The following LGMN variants were observed in gnomAD, a reference collection of about 807,000 sequenced individuals.
LGMN encodes the protein legumain.
A neutral mutation model predicts 56.8 loss-of-function variants in LGMN; 36 were observed. The observed-to-expected ratio is 0.63, with a 90% CI of 0.49 to 0.84. The LOEUF is 0.84. Ranked by LOEUF, LGMN falls within the 40% of genes least tolerant of loss-of-function variation. The pLI is 0.00. For missense variants in LGMN, 446 were observed against 556.1 expected, an observed-to-expected ratio of 0.80 and a Z score of 1.99; for synonymous variants, 199 against 210.1, an observed-to-expected ratio of 0.95 and a Z score of 0.46.
intron 2 of LGMN, among the ~76,000 whole-genome samples, chr14:92,719,194 GCCACCAACACCACCACCGCCACCAACA>G (rs1890251185): frequency 1.9e-5 from 1 of 52,690 alleles, no homozygotes; most frequent in Non-Finnish European, 3.7e-5. Flanking sequence ...CACCACCACC[GCCACCAACACCACCACCGCCACCAACA>G]CCACCACCGC....
rs1218517440 is a variant in LGMN, at chr14:92,732,656, C to T, written c.131G>A (p.Arg44Lys). The T allele has an allele frequency of 6.2e-7, 1 of 1,613,876 alleles. No individual in the cohort carries two copies. The highest frequency in any genetic ancestry group is 1.3e-5 in the African/African-American group (1 of 74,998). ...VAGSNGWYNY[R>K]HQADACHAYQ... ...GATTAGTCATTTTCTTACCTGGTGC[C>T]TATAATTATACCAGCCATTTGAACC... The change falls in exon 2 of 14, where the codon AGG becomes AAG. Residue 44 changes from arginine (R) to lysine (K), a missense_variant. Physicochemically the swap from Arg to Lys is conservative, Grantham distance 26. Transcript: ENST00000334869.
chr14:92,721,091 T>C (rs1341687091), intron 2 of LGMN, among the ~76,000 whole-genome samples: 2 of 151,956 alleles, frequency 1.3e-5, no homozygotes, highest in Non-Finnish European at 2.9e-5. Flanking sequence ...AGGGTCTCGC[T>C]ATGTTGCTTT....
At chr14:92,744,142 G>A (rs1479318623) in intron 1 of LGMN, among the ~76,000 whole-genome samples, 3 of 151,574 alleles carry the variant, frequency 2.0e-5, no homozygotes, top group Non-Finnish European at 2.9e-5. Context: ...GACAGGGTAA[G>A]CTCTGTCTCC....
intron 1 of LGMN, among the ~76,000 whole-genome samples, chr14:92,737,623 G>A (rs1332309966): frequency 6.6e-6 from 1 of 152,194 alleles, no homozygotes; most frequent in African/African-American, 2.4e-5. Flanking sequence ...TGCTCCAAAA[G>A]CAAAGCAGTA....
rs1033745011 is a variant in LGMN, at chr14:92,709,885, A to T, written c.820-13T>A. ...TGGTGGAGATTGTCTGGGGAGACAG[A>T]CAGCAAGAGAGAGCGAGAGAGAAAG... On this transcript the variant is annotated splice_polypyrimidine_tract_variant and intron_variant, in intron 10 of 13. Transcript: ENST00000334869. 6.3e-7 allele frequency: 1 copy of T among 1,583,710 alleles called. No homozygotes were observed.
chr14:92,709,813 G>A lies in LGMN; in HGVS notation c.879C>T (p.Pro293=), dbSNP rs1429076314. The A allele has an allele frequency of 3.7e-6, 6 of 1,613,840 alleles. No homozygotes were observed. Among genetic ancestry groups the A allele is most frequent in the Non-Finnish European group, 4.2e-6 (5 of 1,179,826 alleles). The change falls in exon 11 of 14, where the codon CCC becomes CCT. Residue 293 remains proline, a synonymous_variant. Transcript: ENST00000334869. The part of the protein sequence containing the change: ...FQGMKRKASS[P]VPLPPVTHLD... ...GGTGTGTGACTGGAGGTAGGGGGAC[G>A]GGAGAACTGGCTTTGCGTTTCATAC...
intron 1 of LGMN, among the ~76,000 whole-genome samples, chr14:92,737,520 C>T (rs148398506): frequency 2.6e-5 from 4 of 152,354 alleles, no homozygotes; most frequent in East Asian, 1.9e-4. Context: ...CCAGCTCAAC[C>T]GACAGACAGC....
chr14:92,743,551 G>A (rs1001000320), intron 1 of LGMN, among the ~76,000 whole-genome samples: 1 of 150,886 alleles, frequency 6.6e-6, no homozygotes, highest in Non-Finnish European at 1.5e-5. Context: ...CCTGTAATTC[G>A]AACACTTTGA....
intron 11 of LGMN, among the ~76,000 whole-genome samples, chr14:92,709,284 C>T (rs113268837): frequency 6.6e-6 from 1 of 151,920 alleles, no homozygotes; most frequent in East Asian, 1.9e-4. Flanking sequence ...GGACTAGAGG[C>T]GCACGCCACC....
At chr14:92,738,239 G>A (rs574710176) in intron 1 of LGMN, among the ~76,000 whole-genome samples, 2 of 151,374 alleles carry the variant, frequency 1.3e-5, no homozygotes, top group East Asian at 1.9e-4. Context: ...AATCCTCTGT[G>A]AGAAAAGTGC....
Position 92,706,468 on chromosome 14 carries a change from A to G in LGMN, c.1191+15T>C, listed in dbSNP as rs1485798394. The G allele has an allele frequency of 1.3e-6, 2 of 1,502,034 alleles. No individual in the cohort carries two copies. Among genetic ancestry groups the G allele is most frequent in the Non-Finnish European group, 1.8e-6 (2 of 1,111,092 alleles). The allele number at this position is 1,502,034 out of a possible 1,614,324, so 93.0% of individuals were successfully genotyped here. Reference sequence around the variant, plus strand: ...GCTTCTGGATTCTGGTCATGGGGAGAGCCTGCTGGCTCACCGTGGGGGAGT... The same window carrying G: ...GCTTCTGGATTCTGGTCATGGGGAGGGCCTGCTGGCTCACCGTGGGGGAGT... On this transcript the variant is annotated intron_variant, in intron 12 of 13. Coordinates refer to ENST00000334869, the MANE Select transcript of LGMN (RefSeq NM_005606.7).
chr14:92,727,779 T>C (rs1463337963), intron 2 of LGMN, among the ~76,000 whole-genome samples: 1 of 152,178 alleles, frequency 6.6e-6, no homozygotes, highest in Non-Finnish European at 1.5e-5. Flanking sequence ...GAGACTGCTC[T>C]TTCTCAGCCT....
chr14:92,717,507 G>T, intron 3 of LGMN, 46 bp from the exon 4 acceptor site: 1 of 1,344,558 alleles, frequency 7.4e-7, no homozygotes, highest in South Asian at 1.2e-5. Context: ...GCATGCCTCC[G>T]AAATCTCTCT....
chr14:92,733,008 G>A (rs1891130535), intron 1 of LGMN, among the ~76,000 whole-genome samples, 193 bp from the exon 2 acceptor site: 1 of 152,040 alleles, frequency 6.6e-6, no homozygotes, highest in African/African-American at 2.4e-5. Context: ...ACTTAGCTAG[G>A]CGTGGTAGCA....
chr14:92,716,281 T>C, intron 4 of LGMN, 60 bp from the exon 5 acceptor site: 1 of 1,254,888 alleles, frequency 8.0e-7, no homozygotes, highest in Non-Finnish European at 1.2e-6. Flanking sequence ...GAGAGTTGGC[T>C]GAGTCTGCAA....
At chr14:92,717,713 TA>T (rs1405728290) in intron 3 of LGMN, among the ~76,000 whole-genome samples, 2 of 152,126 alleles carry the variant, frequency 1.3e-5, no homozygotes. Flanking sequence ...GACCAAAGCA[TA>T]GGTGCGCCTG....
chr14:92,719,281 G>GCCGCCACCGCCGCCGCCA (rs1890300909), intron 2 of LGMN, among the ~76,000 whole-genome samples: 1 of 18,102 alleles, frequency 5.5e-5, no homozygotes, highest in Non-Finnish European at 1.0e-4. Flanking sequence ...CGCCGCCACC[G>GCCGCCACCGCCGCCGCCA]CCGCCGCCGC....
In LGMN at chr14:92,706,617, C is replaced by T. The variant is rs771326951; in HGVS notation, c.1057G>A (p.Val353Ile). 2.8e-5 allele frequency: 45 copies of T among 1,600,016 alleles called. No homozygotes were observed. The highest frequency in any genetic ancestry group is 1.6e-4 in the East Asian group (7 of 44,672). The change falls in exon 12 of 14, where the codon GTC (valine) becomes ATC (isoleucine). Residue 353 changes from valine (V) to isoleucine (I), a missense_variant. Physicochemically the swap from Val to Ile is conservative, Grantham distance 29. Coordinates refer to ENST00000334869, the MANE Select transcript of LGMN (RefSeq NM_005606.7). Reference protein sequence around the residue: ...HLIEKSVRKIVSLLAASEAEV... With the variant: ...HLIEKSVRKIISLLAASEAEV... ...GCCTCGGACGCTGCCAGCAAGGAGA[C>T]GATCTTACGCACTGACTTCTCAATG...
At chr14:92,719,302 ACCG>A (rs1280163911) in intron 2 of LGMN, among the ~76,000 whole-genome samples, 4,592 of 43,146 alleles carry the variant, frequency 0.11, 264 homozygotes, top group East Asian at 0.28. Flanking sequence ...CGCCGCCGCC[ACCG>A]CCGCCACCGC....
Sources: allele counts gnomAD v4.1 joint callset (sites outside exome capture counted in the v4.1 genomes callset), GRCh38; gene constraint gnomAD v4.1.1; transcripts MANE v1.5; gene names NCBI Gene and HGNC (gene_info 2026-07-23, HGNC 2026-07-21).